LOC128462377: variants seen among roughly 807,000 people sequenced by gnomAD.
the LOC128462377 span, among the ~76,000 whole-genome samples, chr16:89,368,532 T>C: frequency 6.6e-6 from 1 of 151,544 alleles, no homozygotes; most frequent in Non-Finnish European, 1.5e-5. Context: ...GAGCTTCTTT[T>C]GTGCAGCATT....
chr16:89,372,415 A>G, the LOC128462377 span, among the ~76,000 whole-genome samples: 1 of 152,118 alleles, frequency 6.6e-6, no homozygotes, highest in African/African-American at 2.4e-5. Context: ...CGGGGTCGAC[A>G]AGGCAGTGGC....
the LOC128462377 span, among the ~76,000 whole-genome samples, chr16:89,368,044 A>C: frequency 6.6e-6 from 1 of 152,044 alleles, no homozygotes; most frequent in African/African-American, 2.4e-5. Context: ...CTTGCAACCA[A>C]CTGCTGTGCT....
chr16:89,408,181 G>C, the LOC128462377 span, among the ~76,000 whole-genome samples: 1 of 152,174 alleles, frequency 6.6e-6, no homozygotes. Flanking sequence ...GCAAGCACTG[G>C]ATGCATACAG....
At chr16:89,323,169 T>G in the LOC128462377 span, 4 of 456,972 alleles carry the variant, frequency 8.8e-6, no homozygotes, top group Non-Finnish European at 7.6e-6. Flanking sequence ...GCGTCAGGAG[T>G]GGTGCCTTGT....
the LOC128462377 span, among the ~76,000 whole-genome samples, chr16:89,385,343 G>A: frequency 6.6e-6 from 1 of 151,090 alleles, no homozygotes; most frequent in Non-Finnish European, 1.5e-5. Context: ...TGGCCGGGCT[G>A]GTCTCGAACT....
chr16:89,418,131 C>G, the LOC128462377 span, among the ~76,000 whole-genome samples: 1 of 152,212 alleles, frequency 6.6e-6, no homozygotes, highest in East Asian at 1.9e-4. Flanking sequence ...TGAATACACT[C>G]TAAGTGAAAT....
the LOC128462377 span, among the ~76,000 whole-genome samples, chr16:89,358,832 GT>G: frequency 5.4e-5 from 8 of 148,564 alleles, no homozygotes; most frequent in African/African-American, 1.2e-4. Context: ...TTGCCTGTAG[GT>G]TTTTTTTTTG....
chr16:89,417,861 G>T, the LOC128462377 span, among the ~76,000 whole-genome samples: 1 of 151,330 alleles, frequency 6.6e-6, no homozygotes, highest in Non-Finnish European at 1.5e-5. Flanking sequence ...GGATCCTAAC[G>T]AGCAGAACAG....
the LOC128462377 span, among the ~76,000 whole-genome samples, chr16:89,389,897 A>C: frequency 8.1e-6 from 1 of 122,890 alleles, no homozygotes; most frequent in Non-Finnish European, 1.7e-5. Context: ...TGTGGCGGGG[A>C]GCACCGAGAG....
chr16:89,375,029 C>T, the LOC128462377 span, among the ~76,000 whole-genome samples: 2 of 151,974 alleles, frequency 1.3e-5, no homozygotes, highest in East Asian at 1.9e-4. Context: ...AAAAATTAAA[C>T]GCTTATAAAT....
At chr16:89,346,999 C>G in the LOC128462377 span, among the ~76,000 whole-genome samples, 1 of 152,128 alleles carries the variant, frequency 6.6e-6, no homozygotes, top group Non-Finnish European at 1.5e-5. Context: ...GTCTGCGAAG[C>G]AAATGGCCCA....
chr16:89,355,934 C>A, the LOC128462377 span, among the ~76,000 whole-genome samples: 1 of 152,264 alleles, frequency 6.6e-6, no homozygotes, highest in African/African-American at 2.4e-5. Context: ...CTCAGGAACG[C>A]TAAGTGACTC....
At chr16:89,329,187 G>A in the LOC128462377 span, among the ~76,000 whole-genome samples, 22 of 152,338 alleles carry the variant, frequency 1.4e-4, no homozygotes, top group African/African-American at 5.0e-4. Flanking sequence ...CGGGGACTCC[G>A]TGAGGAGGGC....
At chr16:89,358,383 A>G in the LOC128462377 span, among the ~76,000 whole-genome samples, 1 of 152,264 alleles carries the variant, frequency 6.6e-6, no homozygotes, top group Non-Finnish European at 1.5e-5. Flanking sequence ...TGCACAGCTT[A>G]GCGACCACGT....
At chr16:89,362,316 G>C in the LOC128462377 span, among the ~76,000 whole-genome samples, 2 of 152,358 alleles carry the variant, frequency 1.3e-5, no homozygotes, top group African/African-American at 4.8e-5. Flanking sequence ...GTCTGCCTGA[G>C]TGAAACCTCA....
the LOC128462377 span, chr16:89,372,825 ACTCACT>A: frequency 6.6e-6 from 1 of 152,166 alleles, no homozygotes; most frequent in Admixed American, 6.5e-5. Context: ...TGTGGCAGGG[ACTCACT>A]GAAAGTTACT....
chr16:89,386,918 G>A, the LOC128462377 span, among the ~76,000 whole-genome samples: 32 of 151,772 alleles, frequency 2.1e-4, no homozygotes, highest in Non-Finnish European at 3.2e-4. Context: ...AGCTCCCCAC[G>A]CCTCGACCAC....
chr16:89,391,045 G>A, the LOC128462377 span, among the ~76,000 whole-genome samples: 13 of 152,078 alleles, frequency 8.5e-5, no homozygotes, highest in East Asian at 1.9e-4. Flanking sequence ...TGGCTAACAC[G>A]GTGAAACCCC....
the LOC128462377 span, among the ~76,000 whole-genome samples, chr16:89,407,670 C>T: frequency 6.6e-6 from 1 of 151,396 alleles, no homozygotes; most frequent in Non-Finnish European, 1.5e-5. Context: ...AACACACATA[C>T]ACACACACAC....
Sources: allele counts gnomAD v4.1 joint callset (sites outside exome capture counted in the v4.1 genomes callset), GRCh38; gene constraint gnomAD v4.1.1; transcripts MANE v1.5.